Variants in TTF2 observed in about 807,000 individuals in gnomAD.
TTF2 encodes the protein transcription termination factor 2.
A neutral mutation model predicts 142.4 loss-of-function variants in TTF2; 108 were observed. That is an observed-to-expected ratio of 0.76 (90% CI 0.65 to 0.89). The LOEUF (loss-of-function observed/expected upper bound fraction) is 0.89, where lower values mean the gene tolerates loss of function less well. Ranked by LOEUF, TTF2 falls within the 40% of genes least tolerant of loss-of-function variation. TTF2 has a pLI of 0.00. For missense variants in TTF2, 1,327 were observed against 1,379.8 expected (o/e 0.96, Z 0.61); for synonymous variants, 483 against 506.2 (o/e 0.95, Z 0.61).
rs374277161 is a variant in TTF2, at chr1:117,079,037, C to A, written c.1702-531C>A. Among the ~76,000 whole-genome samples the A allele has an allele frequency of 6.6e-6, 1 of 152,030 alleles. No individual in the cohort carries two copies. The highest frequency in any genetic ancestry group is 2.4e-5 in the African/African-American group (1 of 41,390). The stretch of plus-strand genomic sequence containing the variant: ...GGCAGATCACTTGAGGCCAGGAGCT[C>A]AAGACTAGCCTGGCCAACATGGTGA... On this transcript the variant is annotated intron_variant, in intron 8 of 22. Coordinates refer to ENST00000369466, the MANE Select transcript of TTF2 (RefSeq NM_003594.4). The surrounding 1 kb of genome is among the most constrained non-coding windows in gnomAD (Gnocchi z 4.2).
Position 117,088,826 on chromosome 1 carries a change from T to A in TTF2, c.2186T>A (p.Ile729Lys). The A allele has an allele frequency of 6.2e-7, 1 of 1,613,742 alleles. No homozygotes were observed. The highest frequency in any genetic ancestry group is 8.5e-7 in the Non-Finnish European group (1 of 1,179,872). Residue 729 changes from isoleucine to lysine, a missense_variant, in exon 13 of 23, where the codon ATA becomes AAA. By Grantham distance (102) the Ile-to-Lys change is moderately radical (BLOSUM62 -3). Coordinates refer to ENST00000369466, the MANE Select transcript of TTF2 (RefSeq NM_003594.4). ...GGCACCTCAACACCTTTGCTTCGAA[T>A]AGCCTGGGCTCGAATCATATTGGAT... ...VEGTSTPLLR[I>K]AWARIILDEA...
Position 117,060,474 on chromosome 1 carries a change from G to C in TTF2, c.48G>C (p.Lys16Asn). ...CTTCAGGGACTTTCTGCTTTCTTAA[G>C]ACCGGCGTCCGCGATGGCCCGAATA... is the stretch of plus-strand genomic sequence containing the variant. ...CPEHGTFCFL[K>N]TGVRDGPNKG... Residue 16 changes from lysine to asparagine, a missense_variant, in exon 2 of 23, where the codon AAG becomes AAC. Physicochemically the swap from Lys to Asn is moderately conservative, Grantham distance 94. Transcript: ENST00000369466. The C allele has an allele frequency of 6.2e-7, 1 of 1,613,990 alleles. No individual in the cohort carries two copies. Among genetic ancestry groups the C allele is most frequent in the Non-Finnish European group, 8.5e-7 (1 of 1,179,886 alleles).
At chr1:117,068,580 A>T (rs548075088) in intron 3 of TTF2, among the ~76,000 whole-genome samples, 31 of 152,300 alleles carry the variant, frequency 2.0e-4, no homozygotes, top group Non-Finnish European at 3.8e-4. Flanking sequence ...CCTCCAAAAA[A>T]AAATTAATTG....
At chr1:117,082,963 C>G (rs1453208952) in intron 10 of TTF2, among the ~76,000 whole-genome samples, 1 of 152,092 alleles carries the variant, frequency 6.6e-6, no homozygotes, top group Non-Finnish European at 1.5e-5. Flanking sequence ...AATCTGTGGG[C>G]CGGGCATGGT....
At position 117,090,134 on chromosome 1, in the gene TTF2, CG is replaced by C. The variant is rs754998889; in HGVS notation, c.2424del (p.Leu809Ter). The C allele has an allele frequency of 2.5e-6, 4 of 1,613,932 alleles. No individual in the cohort carries two copies. Among genetic ancestry groups the C allele is most frequent in the Non-Finnish European group, 3.4e-6 (4 of 1,179,962 alleles). The part of the protein sequence containing the change: ...VDNGSKKGGE[R>X]LSILTKSLLL... ...CAATGGCTCAAAGAAAGGAGGAGAA[CG>C]GTTAAGTATTTTAACCAAGAGCCTT... On this transcript the variant is annotated frameshift_variant, in exon 14 of 23. Transcript: ENST00000369466. LOFTEE classifies it high-confidence loss of function. This position sits in a 1 kb window ranked among gnomAD's most constrained non-coding sequence, Gnocchi z 4.8.
chr1:117,084,543 T>C (rs1489091598), intron 11 of TTF2, among the ~76,000 whole-genome samples: 1 of 152,240 alleles, frequency 6.6e-6, no homozygotes, highest in Non-Finnish European at 1.5e-5. Context: ...ACAGAGCATC[T>C]TGATAGAATG....
At position 117,091,884 on chromosome 1, in the gene TTF2, C is replaced by G; in HGVS notation, c.2739C>G (p.Thr913=). 1 of 1,613,726 alleles carries G rather than the reference C, an allele frequency of 6.2e-7. No homozygotes were observed. The highest frequency in any genetic ancestry group is 8.5e-7 in the Non-Finnish European group (1 of 1,179,972). Residue 913 remains threonine, a synonymous_variant, in exon 17 of 23, where the codon ACC becomes ACG. Transcript: ENST00000369466. ...SEAADSPRSS[T]VHILSQLLRL... Reference sequence around the variant, plus strand: ...CAGCAGACTCACCGAGATCCAGCACCGTCCACATACTGTCCCAGTTGCTGA... The same window carrying G: ...CAGCAGACTCACCGAGATCCAGCACGGTCCACATACTGTCCCAGTTGCTGA...
chr1:117,069,077 G>GTTT (rs1286772243), intron 3 of TTF2, among the ~76,000 whole-genome samples: 1 of 151,758 alleles, frequency 6.6e-6, no homozygotes, highest in Non-Finnish European at 1.5e-5. Context: ...ATTCATATCT[G>GTTT]TTTTTTTTCC....
At position 117,073,690 on chromosome 1, in the gene TTF2, C is replaced by T; in HGVS notation, c.248C>T (p.Ala83Val). 6.2e-7 allele frequency: 1 copy of T among 1,612,092 alleles called. No homozygotes were observed. The highest frequency in any genetic ancestry group is 1.3e-5 in the African/African-American group (1 of 75,004). ...TTCTTCCGATGCATTAGAAGTAAGG[C>T]AGAGGGGAAACGCTGGTGTGGAAGT... Reference protein sequence around the residue: ...RLFFRCIRSKAEGKRWCGSIP... With the variant: ...RLFFRCIRSKVEGKRWCGSIP... The change falls in exon 4 of 23, where the codon GCA becomes GTA. Residue 83 changes from alanine (A) to valine (V), a missense_variant. By Grantham distance (64) the Ala-to-Val change is moderately conservative. Coordinates refer to ENST00000369466, the MANE Select transcript of TTF2 (RefSeq NM_003594.4). The surrounding 1 kb of genome is among the most constrained non-coding windows in gnomAD (Gnocchi z 4.4).
In TTF2 at chr1:117,086,698, A is replaced by G. The variant is rs980746263; in HGVS notation, c.2160+176A>G. Among the ~76,000 whole-genome samples, 1 of 152,134 alleles carries G rather than the reference A, an allele frequency of 6.6e-6. No homozygotes were observed. Among genetic ancestry groups the G allele is most frequent in the East Asian group, 1.9e-4 (1 of 5,196 alleles). On this transcript the variant is annotated intron_variant, in intron 12 of 22. Transcript: ENST00000369466. This position sits in a 1 kb window ranked among gnomAD's most constrained non-coding sequence, Gnocchi z 4.2. ...TATCCCATCACCCTTATTCCAGACAACCACCTCAGTGATAAAGATCAACCT... is the reference window on the plus strand; with the variant it reads ...TATCCCATCACCCTTATTCCAGACAGCCACCTCAGTGATAAAGATCAACCT...
intron 18 of TTF2, 36 bp from the exon 19 acceptor site, chr1:117,095,273 G>A (rs1216865305): frequency 6.2e-7 from 1 of 1,609,672 alleles, no homozygotes. Flanking sequence ...AAAGTGAATT[G>A]CTTAAACATA....
Position 117,085,592 on chromosome 1 carries a change from G to T in TTF2, c.2055-825G>T, listed in dbSNP as rs1284295079. 2.6e-5 allele frequency among the ~76,000 whole-genome samples: 4 copies of T among 152,130 alleles called. No homozygotes were observed. Among genetic ancestry groups the T allele is most frequent in the African/African-American group, 9.7e-5 (4 of 41,422 alleles). On this transcript the variant is annotated intron_variant, in intron 11 of 22. Coordinates refer to ENST00000369466, the MANE Select transcript of TTF2 (RefSeq NM_003594.4). The surrounding 1 kb of genome is among the most constrained non-coding windows in gnomAD (Gnocchi z 4.7). Reference sequence around the variant, plus strand: ...CTGATGCTGAGTATGCTAATTATAAGTGATAATTTTTCCCTTTTAATATAA... The same window carrying T: ...CTGATGCTGAGTATGCTAATTATAATTGATAATTTTTCCCTTTTAATATAA...
In TTF2 at chr1:117,060,539, G is replaced by A. The variant is rs773562378; in HGVS notation, c.113G>A (p.Ser38Asn). 3.1e-6 allele frequency: 5 copies of A among 1,611,588 alleles called. No homozygotes were observed. In the South Asian group the frequency reaches 5.5e-5, roughly 18 times the overall value. ...TACGTGTGCCGGGCAGACACGTGCA[G>A]CTTCGTGCGGGCCACCGAGTAGGTC... ...SFYVCRADTC[S>N]FVRATDIPVS... Residue 38 changes from serine (S) to asparagine (N), a missense_variant, in exon 2 of 23, where the codon AGC (serine) becomes AAC (asparagine). Transcript: ENST00000369466.
At position 117,085,777 on chromosome 1, in the gene TTF2, T is replaced by C. The variant is rs1647947395; in HGVS notation, c.2055-640T>C. Among the ~76,000 whole-genome samples, 1 of 152,190 alleles carries C rather than the reference T, an allele frequency of 6.6e-6. No individual in the cohort carries two copies. Among genetic ancestry groups the C allele is most frequent in the African/African-American group, 2.4e-5 (1 of 41,446 alleles). ...AAAGTATTTATTGAAGTTCTCACAA[T>C]ATTAAGCTTCACTGGAAAAAGATTT... is the stretch of plus-strand genomic sequence containing the variant. On this transcript the variant is annotated intron_variant, in intron 11 of 22. Transcript: ENST00000369466. This position sits in a 1 kb window ranked among gnomAD's most constrained non-coding sequence, Gnocchi z 4.7.
In TTF2 at chr1:117,103,688, C is replaced by T. The variant is rs1027600956; in HGVS notation, c.*2164C>T. On this transcript the variant is annotated 3_prime_UTR_variant, in exon 23 of 23. Transcript: ENST00000369466. ...TGAAAAAATTGGCCGGGTGCAGTGG[C>T]TCAGGCCTGTCATCCCAGCACTTTG... The T allele has an allele frequency of 2.0e-5, 3 of 152,248 alleles. No homozygotes were observed. Among genetic ancestry groups the T allele is most frequent in the Admixed American group, 1.3e-4 (2 of 15,282 alleles). The allele number at this position is 152,248 out of a possible 1,614,324, so 9.4% of individuals were successfully genotyped here.
intron 3 of TTF2, among the ~76,000 whole-genome samples, chr1:117,065,386 C>G: frequency 6.6e-6 from 1 of 152,192 alleles, no homozygotes; most frequent in Non-Finnish European, 1.5e-5. Flanking sequence ...ATCACGAGGT[C>G]AGGAGATCGA....
chr1:117,075,095 C>G lies in TTF2; in HGVS notation c.511C>G (p.Pro171Ala), dbSNP rs777534209. ...TTTCGATCAAAAGAAAGAACAGAAG[C>G]CTGAAATGATGGAGAAAGACCTCTC... ...QLFDQKKEQKPEMMEKDLSSG... is the reference protein window; with the variant it reads ...QLFDQKKEQKAEMMEKDLSSG... The change falls in exon 5 of 23, where the codon CCT becomes GCT. Residue 171 changes from proline to alanine, a missense_variant. Coordinates refer to ENST00000369466, the MANE Select transcript of TTF2 (RefSeq NM_003594.4). This position sits in a 1 kb window ranked among gnomAD's most constrained non-coding sequence, Gnocchi z 4.5. 1.2e-6 allele frequency: 2 copies of G among 1,613,832 alleles called. No homozygotes were observed. Among genetic ancestry groups the G allele is most frequent in the Admixed American group, 1.7e-5 (1 of 59,988 alleles).
chr1:117,106,755 AT>A lies in TTF2; in HGVS notation c.*5232del, dbSNP rs1649974330. 6.6e-6 allele frequency: 1 copy of A among 152,200 alleles called. No homozygotes were observed. Among genetic ancestry groups the A allele is most frequent in the South Asian group, 2.1e-4 (1 of 4,824 alleles). The allele number at this position is 152,200 out of a possible 1,614,324, so 9.4% of individuals were successfully genotyped here. A position where few individuals can be genotyped will look rare whatever the true frequency, so the allele number is the denominator to read the frequency against. ...GTAAGAGCTCACAAGTCAGAGTGAG[AT>A]GTTTCTTCCTATACTGCCTGCTTCT... On this transcript the variant is annotated 3_prime_UTR_variant, in exon 23 of 23. Coordinates refer to ENST00000369466, the MANE Select transcript of TTF2 (RefSeq NM_003594.4).
chr1:117,098,791 CT>C, intron 21 of TTF2, 41 bp from the exon 22 acceptor site: 1 of 1,581,660 alleles, frequency 6.3e-7, no homozygotes, highest in Non-Finnish European at 8.6e-7. Context: ...CATTTCTGAT[CT>C]AGTATGTCAG....
Sources: gnomAD v4.1 joint callset for allele counts (sites outside exome capture counted in the v4.1 genomes callset) on GRCh38, gnomAD v4.1.1 for gene constraint, Gnocchi (gnomAD v3.1) non-coding constraint, MANE v1.5 for transcripts, NCBI Gene and HGNC (gene_info 2026-07-23, HGNC 2026-07-21) for gene names.